SPRR2G: variants seen among roughly 807,000 people sequenced by gnomAD.
SPRR2G encodes small proline rich protein 2G, also known as small proline-rich protein 2G.
SPRR2G carries 1 observed loss-of-function variant against 0.7 expected under a neutral mutation model. The ratio of observed to expected loss-of-function variants is 1.49; its 90% CI spans 0.53 to 7.06. The LOEUF (loss-of-function observed/expected upper bound fraction) is 7.06. Ranked by LOEUF, SPRR2G falls within the 30% of genes most tolerant of loss-of-function variation. The pLI is 0.14. For missense variants in SPRR2G, 96 were observed against 88.5 expected, an observed-to-expected ratio of 1.09 and a Z score of -0.34; for synonymous variants, 38 against 33.9, an observed-to-expected ratio of 1.12 and a Z score of -0.42.
At chr1:153,199,708 T>G in the SPRR2G span, among the ~76,000 whole-genome samples, 1 of 150,964 alleles carries the variant, frequency 6.6e-6, no homozygotes, top group Non-Finnish European at 1.5e-5. Flanking sequence ...TTCTGATTAC[T>G]GAAATAAGAT....
chr1:153,158,612 C>T, the SPRR2G span, among the ~76,000 whole-genome samples: 1 of 152,160 alleles, frequency 6.6e-6, no homozygotes, highest in African/African-American at 2.4e-5. Flanking sequence ...GGACAGTGGC[C>T]CTCTTCTTAC....
At chr1:153,195,378 G>C in the SPRR2G span, among the ~76,000 whole-genome samples, 5 of 152,118 alleles carry the variant, frequency 3.3e-5, no homozygotes, top group African/African-American at 1.2e-4. Context: ...TGGACACGTG[G>C]GCCATGTTTC....
the SPRR2G span, chr1:153,190,708 A>G: frequency 1.3e-5 from 2 of 152,190 alleles, no homozygotes; most frequent in Middle Eastern, 6.8e-3. Flanking sequence ...AAACTGCTTA[A>G]ATCAATGAAA....
chr1:153,185,584 G>C, the SPRR2G span, among the ~76,000 whole-genome samples: 2 of 151,922 alleles, frequency 1.3e-5, no homozygotes, highest in Admixed American at 6.6e-5. Flanking sequence ...ATTTTTTATT[G>C]TGTCTGTTTG....
chr1:153,188,100 C>T, the SPRR2G span, among the ~76,000 whole-genome samples: 2 of 151,982 alleles, frequency 1.3e-5, no homozygotes, highest in African/African-American at 4.8e-5. Flanking sequence ...GGGGTACCTG[C>T]CTGATGCCAG....
chr1:153,173,628 T>C, the SPRR2G span, among the ~76,000 whole-genome samples: 1 of 152,182 alleles, frequency 6.6e-6, no homozygotes, highest in African/African-American at 2.4e-5. Context: ...TTAGAAACTA[T>C]TTCCTTGGTT....
At chr1:153,152,967 A>G (rs1656503183), upstream of SPRR2G, among the ~76,000 whole-genome samples, 1 of 152,178 alleles carries the variant, frequency 6.6e-6, no homozygotes, top group African/African-American at 2.4e-5. Context: ...CACAAAGGAC[A>G]GTTTTTTTAT....
chr1:153,168,351 G>A, the SPRR2G span, among the ~76,000 whole-genome samples: 1 of 152,154 alleles, frequency 6.6e-6, no homozygotes, highest in Non-Finnish European at 1.5e-5. Flanking sequence ...ACATCACATA[G>A]AAGTATATCA....
the SPRR2G span, among the ~76,000 whole-genome samples, chr1:153,195,104 G>A: frequency 1.3e-5 from 2 of 152,084 alleles, no homozygotes; most frequent in African/African-American, 2.4e-5. Context: ...GCCCTGCTCT[G>A]TACCCCACAG....
At chr1:153,195,661 A>G in the SPRR2G span, among the ~76,000 whole-genome samples, 2 of 152,182 alleles carry the variant, frequency 1.3e-5, no homozygotes, top group East Asian at 1.9e-4. Context: ...TCTCTTTCCA[A>G]TCCTTCAGCT....
At chr1:153,174,854 G>A in the SPRR2G span, among the ~76,000 whole-genome samples, 2 of 152,086 alleles carry the variant, frequency 1.3e-5, no homozygotes, top group Non-Finnish European at 2.9e-5. Flanking sequence ...GCATCTGTCA[G>A]GAAATCCAGT....
chr1:153,186,247 G>A, the SPRR2G span, among the ~76,000 whole-genome samples: 1 of 152,178 alleles, frequency 6.6e-6, no homozygotes, highest in Non-Finnish European at 1.5e-5. Context: ...GTCCAGACCT[G>A]AGTTCAAGTC....
chr1:153,187,421 C>T, the SPRR2G span, among the ~76,000 whole-genome samples: 1 of 152,048 alleles, frequency 6.6e-6, no homozygotes, highest in African/African-American at 2.4e-5. Flanking sequence ...TTTCTCTAAT[C>T]TTGTCTTCAT....
chr1:153,201,040 G>A, the SPRR2G span, among the ~76,000 whole-genome samples: 1 of 152,064 alleles, frequency 6.6e-6, no homozygotes. Context: ...CTGACTTCAG[G>A]GTCCTCTTCT....
the SPRR2G span, among the ~76,000 whole-genome samples, chr1:153,174,294 T>G: frequency 3.3e-5 from 5 of 152,234 alleles, no homozygotes; most frequent in African/African-American, 4.8e-5. Context: ...AAGCTCACTC[T>G]GACTGATTAA....
At chr1:153,176,651 G>C in the SPRR2G span, 7 of 152,150 alleles carry the variant, frequency 4.6e-5, no homozygotes, top group Admixed American at 4.6e-4. Flanking sequence ...GTATGGGTGT[G>C]ACAAAGTCTA....
chr1:153,157,467 T>A, the SPRR2G span, among the ~76,000 whole-genome samples: 1 of 152,202 alleles, frequency 6.6e-6, no homozygotes, highest in Non-Finnish European at 1.5e-5. Flanking sequence ...TATAATACTC[T>A]TTTTTATTGC....
At chr1:153,183,237 G>A in the SPRR2G span, among the ~76,000 whole-genome samples, 29 of 137,578 alleles carry the variant, frequency 2.1e-4, no homozygotes, top group African/African-American at 5.6e-4. Flanking sequence ...ACAGGCATGC[G>A]CCACCACACC....
the SPRR2G span, among the ~76,000 whole-genome samples, chr1:153,182,834 G>T: frequency 4.6e-5 from 7 of 152,256 alleles, no homozygotes; most frequent in East Asian, 1.4e-3. Flanking sequence ...TGTGAATAGT[G>T]CTACAATAAA....
Sources: allele counts gnomAD v4.1 joint callset (sites outside exome capture counted in the v4.1 genomes callset), GRCh38; gene constraint gnomAD v4.1.1; transcripts MANE v1.5; gene names NCBI Gene and HGNC (gene_info 2026-07-23, HGNC 2026-07-21).